The following IMMP2L variants were observed in gnomAD, a reference collection of about 807,000 sequenced individuals.
IMMP2L encodes the protein mitochondrial inner membrane protease subunit 2.
IMMP2L carries 18 observed loss-of-function variants against 19.3 expected under a neutral mutation model. That is an observed-to-expected ratio of 0.93 (90% CI 0.64 to 1.38). IMMP2L has a LOEUF of 1.38. Among genes scored for constraint, IMMP2L ranks in the 40% most tolerant of loss-of-function variants. The pLI, the probability that IMMP2L is intolerant of heterozygous loss-of-function variation, is 0.00. For synonymous variants in IMMP2L, 76 were observed against 73.0 expected, an observed-to-expected ratio of 1.04 and a Z score of -0.21; for missense variants, 233 against 218.2, an observed-to-expected ratio of 1.07 and a Z score of -0.43.
chr7:110,880,179 G>A (rs961958585), intron 5 of IMMP2L, among the ~76,000 whole-genome samples: 3 of 152,000 alleles, frequency 2.0e-5, no homozygotes, highest in African/African-American at 7.2e-5. Context: ...ACTCACATGA[G>A]TCTTACTATG....
chr7:110,754,259 G>C (rs960271240), intron 5 of IMMP2L, among the ~76,000 whole-genome samples: 2 of 152,004 alleles, frequency 1.3e-5, no homozygotes, highest in Non-Finnish European at 1.5e-5. Flanking sequence ...TAAAAATAAT[G>C]ATGTCCCAAT....
rs780880935 is a variant in IMMP2L at position 110,861,098 on chromosome 7, T to TGTGTGTGAGA, written c.408+25494_408+25495insTCTCACACAC. On this transcript the variant is annotated intron_variant, in intron 5 of 5. Transcript: ENST00000405709. ...GTGTGTGTGTGTGTGTGTGTGTGTG[T>TGTGTGTGAGA]GAGAGAGAGAGAGAGAGAGAGAGAG... Among the ~76,000 whole-genome samples the TGTGTGTGAGA allele has an allele frequency of 9.9e-5, 14 of 141,722 alleles. 1 individual carries two copies. Among genetic ancestry groups the TGTGTGTGAGA allele is most frequent in the Admixed American group, 4.9e-4 (7 of 14,296 alleles). 93.0% of individuals were successfully genotyped at this position (141,722 alleles called of 152,430 possible).
At chr7:111,392,211 T>C (rs1311450279) in intron 3 of IMMP2L, among the ~76,000 whole-genome samples, 2 of 152,258 alleles carry the variant, frequency 1.3e-5, no homozygotes, top group South Asian at 4.1e-4. Flanking sequence ...ATGGATATAC[T>C]GTCTAACCAG....
intron 3 of IMMP2L, among the ~76,000 whole-genome samples, chr7:111,315,550 T>C (rs1264522379): frequency 2.0e-5 from 3 of 152,112 alleles, no homozygotes; most frequent in East Asian, 1.9e-4. Context: ...GACAATTATC[T>C]GTGCACACAA....
At chr7:111,114,227 T>C (rs1345059520) in intron 3 of IMMP2L, among the ~76,000 whole-genome samples, 1 of 152,114 alleles carries the variant, frequency 6.6e-6, no homozygotes, top group East Asian at 1.9e-4. Context: ...CATACAAATG[T>C]TTAAAATTCT....
At chr7:111,013,401 T>C (rs962512105) in intron 3 of IMMP2L, among the ~76,000 whole-genome samples, 14 of 152,048 alleles carry the variant, frequency 9.2e-5, no homozygotes, top group Non-Finnish European at 1.8e-4. Flanking sequence ...ACAAGGAAAG[T>C]AGCAATAAGG....
At chr7:111,238,695 T>C (rs893160231) in intron 3 of IMMP2L, among the ~76,000 whole-genome samples, 7 of 151,932 alleles carry the variant, frequency 4.6e-5, no homozygotes, top group Non-Finnish European at 1.0e-4. Context: ...TAAGCTGAAG[T>C]GAAAGCTGAT....
chr7:111,275,385 G>C (rs144563273), intron 3 of IMMP2L, among the ~76,000 whole-genome samples: 1 of 152,116 alleles, frequency 6.6e-6, no homozygotes, highest in African/African-American at 2.4e-5. Context: ...AATTCCTAAT[G>C]GTTTTGAACC....
chr7:111,447,653 G>T (rs1237633423), intron 3 of IMMP2L, among the ~76,000 whole-genome samples: 1 of 151,390 alleles, frequency 6.6e-6, no homozygotes, highest in African/African-American at 2.4e-5. Flanking sequence ...CATCAACTAA[G>T]GAACGAAATC....
intron 3 of IMMP2L, among the ~76,000 whole-genome samples, chr7:111,159,262 T>A (rs1313969830): frequency 6.6e-6 from 1 of 152,016 alleles, no homozygotes; most frequent in Non-Finnish European, 1.5e-5. Flanking sequence ...ACTACAGGCA[T>A]CTGCCACCAC....
chr7:110,741,337 A>C (rs1312878493), intron 5 of IMMP2L, among the ~76,000 whole-genome samples: 2 of 152,270 alleles, frequency 1.3e-5, no homozygotes. Context: ...TTGATGAATA[A>C]AAACAACCAA....
chr7:111,301,129 T>G (rs1356156654), intron 3 of IMMP2L, among the ~76,000 whole-genome samples: 2 of 152,126 alleles, frequency 1.3e-5, no homozygotes, highest in Non-Finnish European at 2.9e-5. Flanking sequence ...TTTCTTATTT[T>G]AGTCATTCTG....
intron 3 of IMMP2L, among the ~76,000 whole-genome samples, chr7:111,128,383 C>T (rs1236184397): frequency 6.6e-6 from 1 of 152,146 alleles, no homozygotes. Flanking sequence ...AATGATAATG[C>T]TCAGAAAAAA....
chr7:111,093,397 C>T (rs1563233970), intron 3 of IMMP2L, among the ~76,000 whole-genome samples: 1 of 152,128 alleles, frequency 6.6e-6, no homozygotes, highest in Non-Finnish European at 1.5e-5. Flanking sequence ...TTTGAGGTAC[C>T]TCCTAAGTTC....
chr7:111,366,344 G>GA (rs34751093), intron 3 of IMMP2L, among the ~76,000 whole-genome samples: 8,199 of 117,902 alleles, frequency 0.07, 263 homozygotes, highest in South Asian at 0.1. Context: ...AAAAAAGAAA[G>GA]AAAAAAAAAA....
At chr7:111,223,557 C>A (rs1445358120) in intron 3 of IMMP2L, among the ~76,000 whole-genome samples, 2 of 151,998 alleles carry the variant, frequency 1.3e-5, no homozygotes, top group African/African-American at 4.8e-5. Context: ...AACCCTTTTT[C>A]ATTAATTCAC....
At chr7:110,771,088 T>C (rs2131021514) in intron 5 of IMMP2L, among the ~76,000 whole-genome samples, 1 of 152,234 alleles carries the variant, frequency 6.6e-6, no homozygotes. Flanking sequence ...CAAGGGAAAA[T>C]TAACCTTTGG....
At chr7:110,826,136 G>A (rs1258734770) in intron 5 of IMMP2L, among the ~76,000 whole-genome samples, 1 of 152,206 alleles carries the variant, frequency 6.6e-6, no homozygotes. Context: ...GCCACAATGA[G>A]ATACCATCTC....
intron 3 of IMMP2L, among the ~76,000 whole-genome samples, chr7:111,482,470 C>T (rs1217044064): frequency 1.3e-5 from 2 of 152,030 alleles, no homozygotes; most frequent in African/African-American, 4.8e-5. Flanking sequence ...AAAGGAAGCC[C>T]CCCATCGTCC....
Sources: gnomAD v4.1 joint callset for allele counts (sites outside exome capture counted in the v4.1 genomes callset) on GRCh38, gnomAD v4.1.1 for gene constraint, MANE v1.5 for transcripts, NCBI Gene and HGNC (gene_info 2026-07-23, HGNC 2026-07-21) for gene names.